GRIA2: variants seen among roughly 807,000 people sequenced by gnomAD.
GRIA2 encodes the protein glutamate receptor 2.
In GRIA2, 14 loss-of-function variants were observed where a neutral mutation model predicts 97.3. The observed-to-expected ratio is 0.14, with a 90% CI of 0.10 to 0.23. GRIA2 has a LOEUF of 0.23. GRIA2 is among the 10% of genes least tolerant of loss of function. The pLI is 1.00. For synonymous variants in GRIA2, 412 were observed against 387.8 expected (o/e 1.06, Z -0.73); for missense variants, 558 against 1,069.8 (o/e 0.52, Z 6.67).
At position 157,347,401 on chromosome 4, in the gene GRIA2, GGAAGCTTTCTATTA is replaced by G. The variant is rs1267289669; in HGVS notation, c.2043+5940_2043+5953del. On this transcript the variant is annotated intron_variant, in intron 12 of 15. Coordinates refer to ENST00000264426, the MANE Select transcript of GRIA2 (RefSeq NM_001083619.3). ...AAATAATTTGACTAATAAGATTACAGGAAGCTTTCTATTATTGTCCATACCAAAGAGAAAGCATT... is the reference window on the plus strand; with the variant it reads ...AAATAATTTGACTAATAAGATTACAGTTGTCCATACCAAAGAGAAAGCATT... 7.1e-4 allele frequency among the ~76,000 whole-genome samples: 108 copies of G among 152,216 alleles called. 1 individual carries two copies. Among genetic ancestry groups the G allele is most frequent in the African/African-American group, 2.5e-3 (105 of 41,544 alleles).
At chr4:157,275,982 C>G (rs1014684970) in intron 2 of GRIA2, among the ~76,000 whole-genome samples, 1 of 152,094 alleles carries the variant, frequency 6.6e-6, no homozygotes, top group South Asian at 2.1e-4. Context: ...TACATTGATT[C>G]TTCCAACCCA....
chr4:157,274,119 G>A (rs1055348006), intron 2 of GRIA2, among the ~76,000 whole-genome samples: 1 of 151,620 alleles, frequency 6.6e-6, no homozygotes, highest in Non-Finnish European at 1.5e-5. Flanking sequence ...TATGTATTCT[G>A]CCAAATTATC....
chr4:157,360,860 A>G, intron 13 of GRIA2, 150 bp from the exon 14 acceptor site: 1 of 684,274 alleles, frequency 1.5e-6, no homozygotes, highest in East Asian at 2.8e-5. Flanking sequence ...TTAGTAGCTC[A>G]TAGTAACATA....
chr4:157,354,388 C>A (rs564256817), intron 12 of GRIA2, among the ~76,000 whole-genome samples: 2 of 152,200 alleles, frequency 1.3e-5, no homozygotes, highest in South Asian at 2.1e-4. Context: ...GTTTCTTCAA[C>A]AATGCTAGAC....
At chr4:157,233,347 T>A (rs959843655) in intron 2 of GRIA2, among the ~76,000 whole-genome samples, 1 of 152,176 alleles carries the variant, frequency 6.6e-6, no homozygotes, top group Admixed American at 6.5e-5. Context: ...AATTTCAAAC[T>A]CTCATATTTT....
intron 2 of GRIA2, among the ~76,000 whole-genome samples, chr4:157,227,502 A>G (rs1729802241): frequency 6.6e-6 from 1 of 152,204 alleles, no homozygotes; most frequent in African/African-American, 2.4e-5. Flanking sequence ...CAATAGAAGT[A>G]CTTAATCTGC....
chr4:157,340,985 T>C (rs572118276), intron 11 of GRIA2, among the ~76,000 whole-genome samples: 2 of 152,202 alleles, frequency 1.3e-5, no homozygotes, highest in East Asian at 3.9e-4. Context: ...TGAAATTGCT[T>C]TCTTATGGGA....
chr4:157,232,481 T>A (rs1375852576), intron 2 of GRIA2, among the ~76,000 whole-genome samples: 3 of 152,232 alleles, frequency 2.0e-5, no homozygotes, highest in African/African-American at 7.2e-5. Context: ...GGGAGAATTT[T>A]GGCTTTATAA....
chr4:157,260,540 CT>C (rs1327116892), intron 2 of GRIA2, among the ~76,000 whole-genome samples: 5 of 152,080 alleles, frequency 3.3e-5, no homozygotes, highest in African/African-American at 4.8e-5. Context: ...GTCACTCCCC[CT>C]GCCTTTAAAA....
At chr4:157,323,433 C>A (rs1459480148) in intron 6 of GRIA2, among the ~76,000 whole-genome samples, 1 of 149,824 alleles carries the variant, frequency 6.7e-6, no homozygotes, top group Admixed American at 6.7e-5. Context: ...AGATGGATAC[C>A]CAGAGCCTTA....
At chr4:157,232,367 G>C (rs10028901) in intron 2 of GRIA2, among the ~76,000 whole-genome samples, 30,712 of 151,990 alleles carry the variant, frequency 0.2, 3,250 homozygotes, top group African/African-American at 0.25. Flanking sequence ...TTCTTGAGAA[G>C]TACATTTCAA....
chr4:157,310,448 A>G (rs1319189845), intron 3 of GRIA2, among the ~76,000 whole-genome samples: 2 of 152,114 alleles, frequency 1.3e-5, no homozygotes, highest in African/African-American at 2.4e-5. Flanking sequence ...ACAAATTAGA[A>G]TGCTATAAAG....
At chr4:157,221,494 C>T (rs1729490757) in intron 1 of GRIA2, 173 bp from the exon 2 acceptor site, 3 of 664,366 alleles carry the variant, frequency 4.5e-6, no homozygotes, top group Admixed American at 2.8e-5. Context: ...TGGGTCTTGA[C>T]CCCTTGGCTA....
chr4:157,356,587 G>A (rs1278164368), intron 12 of GRIA2, among the ~76,000 whole-genome samples: 2 of 152,018 alleles, frequency 1.3e-5, no homozygotes, highest in East Asian at 1.9e-4. Context: ...GAGGCAATTC[G>A]ATTTGTCTTT....
At chr4:157,354,035 T>C (rs1394135959) in intron 12 of GRIA2, among the ~76,000 whole-genome samples, 6 of 152,122 alleles carry the variant, frequency 3.9e-5, no homozygotes, top group Non-Finnish European at 7.4e-5. Context: ...ATTCGAAAAA[T>C]ATTTTATGCT....
intron 3 of GRIA2, among the ~76,000 whole-genome samples, chr4:157,309,082 G>A (rs144426832): frequency 6.6e-6 from 1 of 152,218 alleles, no homozygotes; most frequent in East Asian, 1.9e-4. Context: ...GTCAGATAAT[G>A]CAATCACTTG....
chr4:157,359,546 A>G (rs1412378868), intron 12 of GRIA2, among the ~76,000 whole-genome samples: 1 of 152,174 alleles, frequency 6.6e-6, no homozygotes, highest in African/African-American at 2.4e-5. Context: ...GGATTTGGGC[A>G]GCAAAGATAT....
At chr4:157,254,798 G>A (rs570088641) in intron 2 of GRIA2, among the ~76,000 whole-genome samples, 12 of 152,098 alleles carry the variant, frequency 7.9e-5, no homozygotes, top group African/African-American at 2.6e-4. Context: ...ATAAGTAGAG[G>A]ATACTCACTG....
intron 2 of GRIA2, among the ~76,000 whole-genome samples, chr4:157,224,401 G>C (rs1222875034): frequency 6.6e-6 from 1 of 152,150 alleles, no homozygotes; most frequent in African/African-American, 2.4e-5. Context: ...TCATTGGATA[G>C]AAATTTCTGG....
Sources: allele counts gnomAD v4.1 joint callset (sites outside exome capture counted in the v4.1 genomes callset), GRCh38; gene constraint gnomAD v4.1.1; transcripts MANE v1.5; gene names NCBI Gene and HGNC (gene_info 2026-07-23, HGNC 2026-07-21).